Variants in CEP112 observed in about 807,000 individuals in gnomAD.
CEP112 encodes the protein centrosomal protein 112.
A neutral mutation model predicts 153.0 loss-of-function variants in CEP112; 127 were observed. The observed-to-expected ratio is 0.83, with a 90% CI of 0.72 to 0.96. The LOEUF is 0.96. CEP112 is among the 40% of genes least tolerant of loss of function. CEP112 has a pLI of 0.00. For synonymous variants in CEP112, 358 were observed against 374.4 expected (o/e 0.96, Z 0.51); for missense variants, 1,089 against 1,101.2 (o/e 0.99, Z 0.16).
At chr17:65,991,199 C>A (rs1306393841) in intron 17 of CEP112, among the ~76,000 whole-genome samples, 2 of 152,114 alleles carry the variant, frequency 1.3e-5, no homozygotes, top group Non-Finnish European at 2.9e-5. Context: ...TATAATTCAG[C>A]AATTTCTGGT....
intron 24 of CEP112, among the ~76,000 whole-genome samples, chr17:65,664,547 A>G (rs2046585928): frequency 6.6e-6 from 1 of 152,184 alleles, no homozygotes; most frequent in Non-Finnish European, 1.5e-5. Context: ...GGTGATTAAG[A>G]GTCAAAGATG....
chr17:65,822,756 T>C (rs1380360124), intron 21 of CEP112, among the ~76,000 whole-genome samples: 9 of 152,146 alleles, frequency 5.9e-5, no homozygotes, highest in Admixed American at 5.2e-4. Flanking sequence ...TAAAATATGT[T>C]GACATATGTG....
At chr17:65,875,023 A>G (rs992163524) in intron 20 of CEP112, among the ~76,000 whole-genome samples, 1 of 152,100 alleles carries the variant, frequency 6.6e-6, no homozygotes, top group African/African-American at 2.4e-5. Context: ...CTGACAGTAG[A>G]TATATCTTAC....
intron 18 of CEP112, among the ~76,000 whole-genome samples, chr17:65,928,907 T>C (rs1294472275): frequency 2.0e-5 from 3 of 152,134 alleles, no homozygotes; most frequent in Admixed American, 6.6e-5. Context: ...TAACACATGT[T>C]ATAACATGGA....
At chr17:65,953,016 C>A (rs1307055225) in intron 18 of CEP112, among the ~76,000 whole-genome samples, 1 of 150,992 alleles carries the variant, frequency 6.6e-6, no homozygotes, top group Non-Finnish European at 1.5e-5. Context: ...GATGCAAGTT[C>A]TTCGAAATAC....
chr17:65,968,463 C>T (rs2062495771), intron 17 of CEP112, among the ~76,000 whole-genome samples: 1 of 152,146 alleles, frequency 6.6e-6, no homozygotes, highest in Non-Finnish European at 1.5e-5. Context: ...AGAAGCTTTT[C>T]TGCTCATTAT....
At chr17:65,792,749 T>C (rs1020684341) in intron 21 of CEP112, among the ~76,000 whole-genome samples, 10 of 151,968 alleles carry the variant, frequency 6.6e-5, no homozygotes, top group Admixed American at 3.9e-4. Flanking sequence ...TGAACTTAGA[T>C]GTTTGAAAAA....
intron 18 of CEP112, among the ~76,000 whole-genome samples, chr17:65,955,399 A>G (rs1177647752): frequency 6.6e-6 from 1 of 152,200 alleles, no homozygotes; most frequent in African/African-American, 2.4e-5. Flanking sequence ...AAATACACCA[A>G]AGCATAAATC....
intron 19 of CEP112, among the ~76,000 whole-genome samples, chr17:65,911,851 C>A (rs1282847623): frequency 1.3e-5 from 2 of 152,110 alleles, no homozygotes; most frequent in Admixed American, 1.3e-4. Context: ...ATAGAAATTT[C>A]TGGAATAATG....
At position 65,947,757 on chromosome 17, in the gene CEP112, T is replaced by TTC. The variant is rs1014008222; in HGVS notation, c.1872+13704_1872+13705dup. Among the ~76,000 whole-genome samples the TTC allele has an allele frequency of 1.3e-3, 193 of 152,272 alleles. 2 individuals are homozygous for TTC. The highest frequency in any genetic ancestry group is 4.4e-3 in the African/African-American group (183 of 41,568). ...GCATCTATTTAAACGTTTAAAGGTATTCTAAAATTTTATCTCTGCTACCTA... is the reference window on the plus strand; with the variant it reads ...GCATCTATTTAAACGTTTAAAGGTATTCTCTAAAATTTTATCTCTGCTACCTA... On this transcript the variant is annotated intron_variant, in intron 18 of 26. Transcript: ENST00000535342.
At chr17:66,189,949 T>TCAGGAGAC (rs1475365847) in intron 1 of CEP112, among the ~76,000 whole-genome samples, 13 of 152,102 alleles carry the variant, frequency 8.5e-5, no homozygotes, top group Non-Finnish European at 1.3e-4. Flanking sequence ...GGAGGATCAC[T>TCAGGAGAC]TGAGCCCAAG....
chr17:65,637,221 A>G (rs780434656), intron 25 of CEP112, 33 bp from the exon 26 acceptor site: 5 of 1,467,232 alleles, frequency 3.4e-6, no homozygotes, highest in Admixed American at 1.7e-5. Context: ...GAAGAGGTGG[A>G]CGTGGCTTAC....
At chr17:65,664,620 T>A (rs1261502966) in intron 24 of CEP112, among the ~76,000 whole-genome samples, 1 of 152,134 alleles carries the variant, frequency 6.6e-6, no homozygotes, top group South Asian at 2.1e-4. Flanking sequence ...AGAAATAACA[T>A]GACTTGGTGA....
At chr17:66,069,248 C>T (rs1241726342) in intron 9 of CEP112, among the ~76,000 whole-genome samples, 1 of 151,772 alleles carries the variant, frequency 6.6e-6, no homozygotes, top group African/African-American at 2.4e-5. Flanking sequence ...GATCAACCTC[C>T]ATGTATTTCA....
At chr17:65,785,434 C>A (rs11651568) in intron 21 of CEP112, among the ~76,000 whole-genome samples, 1 of 152,176 alleles carries the variant, frequency 6.6e-6, no homozygotes, top group Non-Finnish European at 1.5e-5. Context: ...ATCTCACCAG[C>A]AAAGTATGAA....
intron 16 of CEP112, among the ~76,000 whole-genome samples, chr17:66,021,381 G>C (rs1420081419): frequency 6.6e-6 from 1 of 152,174 alleles, no homozygotes; most frequent in African/African-American, 2.4e-5. Context: ...CTAGAATTGG[G>C]ATACCCCTCC....
chr17:65,742,932 C>T, intron 23 of CEP112, 136 bp downstream of exon 23: 2 of 617,464 alleles, frequency 3.2e-6, no homozygotes, highest in Non-Finnish European at 5.4e-6. Context: ...AAGGTAGAGT[C>T]CAGTGAATGG....
chr17:66,179,500 G>C (rs2072625936), intron 2 of CEP112, among the ~76,000 whole-genome samples: 1 of 151,908 alleles, frequency 6.6e-6, no homozygotes, highest in South Asian at 2.1e-4. Context: ...GTTTGCTGTT[G>C]GCATATAGAC....
At chr17:65,996,762 T>G (rs1279606381) in intron 17 of CEP112, among the ~76,000 whole-genome samples, 1 of 152,210 alleles carries the variant, frequency 6.6e-6, no homozygotes, top group East Asian at 1.9e-4. Context: ...GTTAGGATAT[T>G]TAGGAATCAA....
Sources: gnomAD v4.1 joint callset for allele counts (sites outside exome capture counted in the v4.1 genomes callset) on GRCh38, gnomAD v4.1.1 for gene constraint, MANE v1.5 for transcripts, NCBI Gene and HGNC (gene_info 2026-07-23, HGNC 2026-07-21) for gene names.